The following TAOK3 variants were observed in gnomAD, a reference collection of about 807,000 sequenced individuals.
The protein encoded by TAOK3 is TAO kinase 3.
Under a neutral mutation model 120.4 loss-of-function variants are expected in TAOK3, and 40 were observed. The observed-to-expected ratio is 0.33, with a 90% CI of 0.26 to 0.43. The LOEUF is 0.43. TAOK3 is among the 20% of genes least tolerant of loss of function. The pLI, the probability that TAOK3 is intolerant of heterozygous loss-of-function variation, is 1.00. For missense variants in TAOK3, 821 were observed against 1,112.1 expected (o/e 0.74, Z 3.72); for synonymous variants, 355 against 387.5 (o/e 0.92, Z 0.99).
At chr12:118,231,615 T>TA (rs2039785753) in intron 9 of TAOK3, among the ~76,000 whole-genome samples, 1 of 152,080 alleles carries the variant, frequency 6.6e-6, no homozygotes, top group South Asian at 2.1e-4. Context: ...ATTAATATCT[T>TA]AAAAAATTAG....
intron 1 of TAOK3, among the ~76,000 whole-genome samples, chr12:118,296,507 G>A (rs567981091): frequency 2.0e-5 from 3 of 151,920 alleles, no homozygotes; most frequent in South Asian, 2.1e-4. Context: ...TATAAGTTTC[G>A]GGAAAAAAGA....
chr12:118,309,695 T>A (rs964286833), intron 1 of TAOK3, among the ~76,000 whole-genome samples: 17 of 152,060 alleles, frequency 1.1e-4, no homozygotes, highest in Non-Finnish European at 2.5e-4. Flanking sequence ...TTTGTATTTT[T>A]AGTAGAGATG....
chr12:118,310,828 C>T (rs558149428), intron 1 of TAOK3, among the ~76,000 whole-genome samples: 32 of 152,126 alleles, frequency 2.1e-4, no homozygotes, highest in Non-Finnish European at 4.3e-4. Context: ...ATGTGTAAAC[C>T]GTGTAGTGTA....
Position 118,150,951 on chromosome 12 carries a change from G to GTTT in TAOK3, c.*43_*45dup. The GTTT allele has an allele frequency of 7.3e-7, 1 of 1,364,760 alleles. No homozygotes were observed. Among genetic ancestry groups the GTTT allele is most frequent in the Non-Finnish European group, 9.9e-7 (1 of 1,005,720 alleles). The allele number at this position is 1,364,760 out of a possible 1,614,324, so 84.5% of individuals were successfully genotyped here. On this transcript the variant is annotated 3_prime_UTR_variant, in exon 21 of 21. Coordinates refer to ENST00000392533, the MANE Select transcript of TAOK3 (RefSeq NM_016281.4). The stretch of plus-strand genomic sequence containing the variant: ...TTTTGCAGGGTCTGAATTTTTTTCT[G>GTTT]TTTTCTTTTTTTTTTTTTTTTTTGT...
At position 118,234,437 on chromosome 12, in the gene TAOK3, G is replaced by A. The variant is rs192012577; in HGVS notation, c.552-672C>T. Among the ~76,000 whole-genome samples the A allele has an allele frequency of 1.1e-4, 16 of 151,700 alleles. No individual in the cohort carries two copies. The East Asian group carries it at 1.9e-3, about 18-fold the overall frequency. On this transcript the variant is annotated intron_variant, in intron 8 of 20. Transcript: ENST00000392533. Reference sequence around the variant, plus strand: ...TTTTTTGTATTTTTAGTAGAGACGCGGTTTCACCATGTTAGCCAGGATGGT... The same window carrying A: ...TTTTTTGTATTTTTAGTAGAGACGCAGTTTCACCATGTTAGCCAGGATGGT...
In TAOK3 at chr12:118,276,297, C is replaced by A. The variant is rs570353682; in HGVS notation, c.-193-9538G>T. 2.0e-5 allele frequency among the ~76,000 whole-genome samples: 3 copies of A among 152,294 alleles called. No homozygotes were observed. In the South Asian group the frequency reaches 6.2e-4, roughly 32 times the overall value. ...GAATTCCAGAATAATTGAGAAGGAACAACCAAATGCGCTTTGCTGCTTTGA... is the reference window on the plus strand; with the variant it reads ...GAATTCCAGAATAATTGAGAAGGAAAAACCAAATGCGCTTTGCTGCTTTGA... On this transcript the variant is annotated intron_variant, in intron 1 of 20. Coordinates refer to ENST00000392533, the MANE Select transcript of TAOK3 (RefSeq NM_016281.4).
At chr12:118,158,860 A>G (rs1389085257) in intron 19 of TAOK3, among the ~76,000 whole-genome samples, 1 of 151,872 alleles carries the variant, frequency 6.6e-6, no homozygotes, top group Non-Finnish European at 1.5e-5. Context: ...AGCATCCTAT[A>G]CTCTTGCCAT....
intron 1 of TAOK3, among the ~76,000 whole-genome samples, chr12:118,339,905 TTTAA>T: frequency 1.3e-5 from 2 of 152,290 alleles, no homozygotes; most frequent in Middle Eastern, 3.4e-3. Flanking sequence ...TTTCCCAACT[TTTAA>T]AAGTTTGAAA....
chr12:118,254,469 C>A (rs1461516119), intron 3 of TAOK3, among the ~76,000 whole-genome samples: 4 of 150,526 alleles, frequency 2.7e-5, no homozygotes, highest in African/African-American at 9.7e-5. Flanking sequence ...ATATATAAAG[C>A]AAAAAATCGT....
At chr12:118,155,069 C>G (rs759358591) in intron 19 of TAOK3, among the ~76,000 whole-genome samples, 1 of 152,034 alleles carries the variant, frequency 6.6e-6, no homozygotes, top group Non-Finnish European at 1.5e-5. Context: ...GATCTCAGCT[C>G]ACTGCAACCT....
intron 11 of TAOK3, among the ~76,000 whole-genome samples, chr12:118,207,125 G>A (rs1011758165): frequency 6.6e-6 from 1 of 151,912 alleles, no homozygotes; most frequent in Non-Finnish European, 1.5e-5. Flanking sequence ...TCAGGAGTTC[G>A]AGACCAGCCT....
chr12:118,215,475 G>A (rs1476980708), intron 9 of TAOK3, among the ~76,000 whole-genome samples: 1 of 151,866 alleles, frequency 6.6e-6, no homozygotes, highest in East Asian at 2.0e-4. Flanking sequence ...TCGCGCCACT[G>A]TACCCAAGCC....
intron 12 of TAOK3, chr12:118,199,669 C>T (rs1476411044): frequency 5.4e-6 from 1 of 186,482 alleles, no homozygotes; most frequent in Non-Finnish European, 1.1e-5. Flanking sequence ...CAGCAGTGGT[C>T]ACTTGAAAAA....
chr12:118,303,237 C>T (rs2042938608), intron 1 of TAOK3, among the ~76,000 whole-genome samples: 1 of 152,160 alleles, frequency 6.6e-6, no homozygotes, highest in African/African-American at 2.4e-5. Flanking sequence ...TCCTTATCCT[C>T]CTCCTCTGTT....
At chr12:118,219,742 G>A (rs2039129146) in intron 9 of TAOK3, among the ~76,000 whole-genome samples, 1 of 133,790 alleles carries the variant, frequency 7.5e-6, no homozygotes, top group Non-Finnish European at 1.6e-5. Flanking sequence ...TTATAGGCAT[G>A]AGCCATTAAG....
At position 118,243,433 on chromosome 12, in the gene TAOK3, C is replaced by A. The variant is rs747092356; in HGVS notation, c.276G>T (p.Leu92Phe). ...PNTIEYKGCYLKEHTAWLVME... is the reference protein window; with the variant it reads ...PNTIEYKGCYFKEHTAWLVME... ...GACTTACCCAAGCAGTGTGTTCTTTCAAGTAACAGCCTTTGTACTCAATAG... is the reference window on the plus strand; with the variant it reads ...GACTTACCCAAGCAGTGTGTTCTTTAAAGTAACAGCCTTTGTACTCAATAG... Residue 92 changes from leucine to phenylalanine, a missense_variant, in exon 5 of 21, where the codon TTG becomes TTT. Leu to Phe is a conservative substitution (Grantham distance 22, BLOSUM62 0). Around this residue, in one of 2 missense-constraint regions of TAOK3, gnomAD observed 467 missense variants for 540.0 expected, o/e 0.86. Coordinates refer to ENST00000392533, the MANE Select transcript of TAOK3 (RefSeq NM_016281.4). The A allele has an allele frequency of 6.4e-7, 1 of 1,569,302 alleles. No individual in the cohort carries two copies. The highest frequency in any genetic ancestry group is 8.6e-7 in the Non-Finnish European group (1 of 1,160,940).
At chr12:118,207,180 G>T (rs1036171246) in intron 11 of TAOK3, among the ~76,000 whole-genome samples, 4 of 151,730 alleles carry the variant, frequency 2.6e-5, no homozygotes, top group Non-Finnish European at 4.4e-5. Flanking sequence ...TAGAAAATTA[G>T]CCGGGCGTGG....
At position 118,207,858 on chromosome 12, in the gene TAOK3, T is replaced by TCACGCACACACACA. The variant is rs1555221794; in HGVS notation, c.819+5055_819+5056insTGTGTGTGTGCGTG. On this transcript the variant is annotated intron_variant, in intron 11 of 20. Coordinates refer to ENST00000392533, the MANE Select transcript of TAOK3 (RefSeq NM_016281.4). ...CTGGGCAACGGCGCGAGACTCTGTC[T>TCACGCACACACACA]CACACACACACACACACACACACAC... Among the ~76,000 whole-genome samples, 66 of 144,446 alleles carry TCACGCACACACACA rather than the reference T, an allele frequency of 4.6e-4. 1 individual carries two copies. The East Asian group carries it at 0.012, about 26-fold the overall frequency. 94.8% of individuals were successfully genotyped at this position (144,446 alleles called of 152,430 possible).
chr12:118,226,531 T>TA (rs140746961), intron 9 of TAOK3, among the ~76,000 whole-genome samples: 10,798 of 124,710 alleles, frequency 0.087, 482 homozygotes, highest in Middle Eastern at 0.13. Flanking sequence ...AGACTCCGTC[T>TA]AAAAAAAAAA....
Sources: gnomAD v4.1 joint callset for allele counts (sites outside exome capture counted in the v4.1 genomes callset) on GRCh38, gnomAD v4.1.1 for gene constraint, gnomAD v4.1.1 regional missense constraint, MANE v1.5 for transcripts, NCBI Gene and HGNC (gene_info 2026-07-23, HGNC 2026-07-21) for gene names.